Variants in NUP210 observed in about 807,000 individuals in gnomAD.
NUP210 encodes the protein nuclear pore membrane glycoprotein 210.
NUP210 carries 151 observed loss-of-function variants against 196.0 expected under a neutral mutation model. That is an observed-to-expected ratio of 0.77 (90% confidence interval 0.67 to 0.88). The LOEUF is 0.88. Ranked by LOEUF, NUP210 falls within the 40% of genes least tolerant of loss-of-function variation. The pLI, the probability that NUP210 is intolerant of heterozygous loss-of-function variation, is 0.00. For missense variants in NUP210, 2,314 were observed against 2,493.7 expected (o/e 0.93, Z 1.53); for synonymous variants, 1,070 against 1,052.7 (o/e 1.02, Z -0.32).
Position 13,335,530 on chromosome 3 carries a change from AC to A in NUP210, c.3766del (p.Val1256TrpfsTer38), listed in dbSNP as rs1697178298. On this transcript the variant is annotated frameshift_variant, in exon 28 of 40. Coordinates refer to ENST00000254508, the MANE Select transcript of NUP210 (RefSeq NM_024923.4). LOFTEE classifies it high-confidence loss of function. ...RVKGRTGLRV[V>X]VKAVDPTSGQ... ...CGATGTGGGGTCCACAGCCTTGACC[AC>A]CACCCTCAGCCCGGTCCGGCCTTTT... 1.9e-6 allele frequency: 3 copies of A among 1,613,762 alleles called. No individual in the cohort carries two copies. Among genetic ancestry groups the A allele is most frequent in the Non-Finnish European group, 2.5e-6 (3 of 1,180,018 alleles).
intron 31 of NUP210, among the ~76,000 whole-genome samples, chr3:13,328,492 T>C (rs1174243430): frequency 1.3e-5 from 2 of 152,190 alleles, no homozygotes; most frequent in African/African-American, 2.4e-5. Flanking sequence ...AAGGGCCAAT[T>C]TCCTGTGCCT....
At chr3:13,325,478 A>T (rs957189140) in intron 33 of NUP210, among the ~76,000 whole-genome samples, 4 of 152,162 alleles carry the variant, frequency 2.6e-5, no homozygotes, top group African/African-American at 9.7e-5. Context: ...CTTGCAGGTG[A>T]CAGGGAAGCA....
chr3:13,321,851 T>A lies in NUP210; in HGVS notation c.4916-16A>T. On this transcript the variant is annotated splice_polypyrimidine_tract_variant and intron_variant, in intron 35 of 39. Transcript: ENST00000254508. The stretch of plus-strand genomic sequence containing the variant: ...AAGTACTGGCCTGCGAAGACAAGGG[T>A]GTATTGTCTTGTCCCCTCTCCTGCC... The A allele has an allele frequency of 6.3e-7, 1 of 1,598,538 alleles. No individual in the cohort carries two copies. Among genetic ancestry groups the A allele is most frequent in the South Asian group, 1.1e-5 (1 of 90,954 alleles).
intron 32 of NUP210, 64 bp downstream of exon 32, chr3:13,327,153 G>C (rs1696790956): frequency 7.4e-7 from 1 of 1,347,442 alleles, no homozygotes; most frequent in East Asian, 2.4e-5. Context: ...TGCCCAGGTA[G>C]CCCCCACCCA....
intron 15 of NUP210, among the ~76,000 whole-genome samples, chr3:13,359,232 C>A (rs578257992): frequency 6.6e-6 from 1 of 152,304 alleles, no homozygotes; most frequent in African/African-American, 2.4e-5. Flanking sequence ...CTAGAGGTAA[C>A]CCCAATTGGA....
At chr3:13,335,008 C>T (rs890558139) in intron 28 of NUP210, among the ~76,000 whole-genome samples, 2 of 152,236 alleles carry the variant, frequency 1.3e-5, no homozygotes, top group Admixed American at 6.5e-5. Flanking sequence ...GCAGCCCCTG[C>T]CCCGCAGGCT....
At chr3:13,330,347 T>C in intron 30 of NUP210, 113 bp downstream of exon 30, 2 of 1,021,390 alleles carry the variant, frequency 2.0e-6, no homozygotes, top group South Asian at 1.6e-5. Flanking sequence ...TCTAAATGCC[T>C]GTCTACAGTT....
Position 13,340,030 on chromosome 3 carries a change from T to C in NUP210, c.3295A>G (p.Thr1099Ala). The C allele has an allele frequency of 6.2e-7, 1 of 1,613,462 alleles. No homozygotes were observed. Among genetic ancestry groups the C allele is most frequent in the Non-Finnish European group, 8.5e-7 (1 of 1,179,874 alleles). The part of the protein sequence containing the change: ...TLLIGATMQV[T>A]SEGGPQPQSN... ...TGAGGCTGGGGGCCGCCCTCGGAGGTGACCTGAGCGGGGAGGAAACAGCGG... is the reference window on the plus strand; with the variant it reads ...TGAGGCTGGGGGCCGCCCTCGGAGGCGACCTGAGCGGGGAGGAAACAGCGG... The change falls in exon 25 of 40, where the codon ACC becomes GCC. Residue 1099 changes from threonine (T) to alanine (A), a missense_variant. Thr to Ala is a moderately conservative substitution (Grantham distance 58). Transcript: ENST00000254508. This position sits in a 1 kb window ranked among gnomAD's most constrained non-coding sequence, Gnocchi z 4.0.
chr3:13,420,173 C>G lies in NUP210; in HGVS notation c.54G>C (p.Ala18=). The change falls in exon 1 of 40, where the codon GCG becomes GCC. Residue 18 remains alanine, a synonymous_variant. Coordinates refer to ENST00000254508, the MANE Select transcript of NUP210 (RefSeq NM_024923.4). The surrounding 1 kb of genome is among the most constrained non-coding windows in gnomAD (Gnocchi z 4.8). ...LLLLTLSVLL[A]AGPSAAAAKL... ...TGGCCGCAGCGGCGGAGGGGCCCGC[C>G]GCCAACAGCACCGACAGCGTCAGCA... 7.9e-7 allele frequency: 1 copy of G among 1,270,730 alleles called. No homozygotes were observed. Among genetic ancestry groups the G allele is most frequent in the South Asian group, 2.2e-5 (1 of 46,030 alleles). 78.7% of individuals were successfully genotyped at this position (1,270,730 alleles called of 1,614,324 possible).
chr3:13,336,804 G>A lies in NUP210; in HGVS notation c.3667C>T (p.Arg1223Ter), dbSNP rs1390366428. 2.5e-6 allele frequency: 4 copies of A among 1,613,492 alleles called. No homozygotes were observed. The highest frequency in any genetic ancestry group is 2.2e-5 in the East Asian group (1 of 44,848). Residue 1223 changes from arginine to a stop codon, truncating the protein, a stop_gained, in exon 27 of 40, where the codon CGA becomes TGA. Transcript: ENST00000254508. LOFTEE classifies it high-confidence loss of function. ...SVTKRDVLDL[R>*]GRHHEASIRL... ...TTACCTACCTCGTGGTGCCGCCCTC[G>A]GAGGTCCAGGACGTCCCGCTTGGTG... is the stretch of plus-strand genomic sequence containing the variant.
intron 3 of NUP210, among the ~76,000 whole-genome samples, chr3:13,395,224 G>C (rs1299353610): frequency 6.6e-6 from 1 of 152,178 alleles, no homozygotes; most frequent in African/African-American, 2.4e-5. Context: ...CCACCTACCT[G>C]GGGAGAATGG....
chr3:13,359,724 G>A (rs78591684), intron 15 of NUP210, among the ~76,000 whole-genome samples: 1,829 of 152,228 alleles, frequency 0.012, 26 homozygotes, highest in Non-Finnish European at 0.019. Flanking sequence ...GCCCCAAGGC[G>A]CCTGAACAGC....
chr3:13,412,597 T>G (rs1700214159), intron 1 of NUP210, among the ~76,000 whole-genome samples: 1 of 151,402 alleles, frequency 6.6e-6, no homozygotes, highest in Non-Finnish European at 1.5e-5. Flanking sequence ...GCCTGTAATC[T>G]CAGCTACTCA....
Position 13,343,196 on chromosome 3 carries a change from C to G in NUP210, c.2943G>C (p.Leu981=), listed in dbSNP as rs771580456. The change falls in exon 21 of 40, where the codon CTG becomes CTC. Residue 981 remains leucine (L), a synonymous_variant. Coordinates refer to ENST00000254508, the MANE Select transcript of NUP210 (RefSeq NM_024923.4). ...AVVYVSDIQE[L]YIRVVDKVEI... is the part of the protein sequence containing the mutation. The stretch of plus-strand genomic sequence containing the variant: ...TGACCTTGTCAACCACACGGATGTA[C>G]AGCTCCTGAATGTCCGACACGTAAA... The G allele has an allele frequency of 6.2e-7, 1 of 1,614,078 alleles. No individual in the cohort carries two copies. Among genetic ancestry groups the G allele is most frequent in the African/African-American group, 1.3e-5 (1 of 74,934 alleles).
At chr3:13,412,072 T>C (rs868675038) in intron 1 of NUP210, among the ~76,000 whole-genome samples, 7 of 151,652 alleles carry the variant, frequency 4.6e-5, no homozygotes, top group Non-Finnish European at 7.4e-5. Flanking sequence ...GTTTTTTTAA[T>C]AGACAGGCTC....
At chr3:13,382,659 T>C (rs1699140887) in intron 6 of NUP210, among the ~76,000 whole-genome samples, 1 of 152,232 alleles carries the variant, frequency 6.6e-6, no homozygotes, top group African/African-American at 2.4e-5. Flanking sequence ...TCTGCAGTTA[T>C]AATTATCGCA....
rs535149534 is a variant in NUP210, at chr3:13,345,468, C to T, written c.2836-2165G>A. Among the ~76,000 whole-genome samples, 37 of 152,248 alleles carry T rather than the reference C, an allele frequency of 2.4e-4. No individual in the cohort carries two copies. The South Asian group carries it at 4.6e-3, about 19-fold the overall frequency. ...GCCTCCTGCAGCCAGAACGGAACTG[C>T]GGGGCTGGGGAGGAGGGAGAGTGGA... On this transcript the variant is annotated intron_variant, in intron 20 of 39. Coordinates refer to ENST00000254508, the MANE Select transcript of NUP210 (RefSeq NM_024923.4).
In NUP210 at chr3:13,323,411, T is replaced by A. The variant is rs1413622656; in HGVS notation, c.4666A>T (p.Arg1556Trp). ...YKEVVVSVPQ[R>W]IMARHLHPIQ... is the part of the protein sequence containing the mutation. ...GGGTGGAGGTGACGGGCCATGATCC[T>A]CTGAGGGACGCTGACCACCACCTAG... The change falls in exon 34 of 40, where the codon AGG becomes TGG. Residue 1556 changes from arginine (R) to tryptophan (W), a missense_variant. Transcript: ENST00000254508. This position sits in a 1 kb window ranked among gnomAD's most constrained non-coding sequence, Gnocchi z 4.3. 1 of 1,613,978 alleles carries A rather than the reference T, an allele frequency of 6.2e-7. No individual in the cohort carries two copies. The highest frequency in any genetic ancestry group is 1.3e-5 in the African/African-American group (1 of 74,896).
chr3:13,345,339 G>A (rs1191734803), intron 20 of NUP210, among the ~76,000 whole-genome samples: 3 of 152,214 alleles, frequency 2.0e-5, no homozygotes, highest in Non-Finnish European at 4.4e-5. Flanking sequence ...ATGGGACAGG[G>A]ATATGGCTTT....
Sources: gnomAD v4.1 joint callset for allele counts (sites outside exome capture counted in the v4.1 genomes callset) on GRCh38, gnomAD v4.1.1 for gene constraint, Gnocchi (gnomAD v3.1) non-coding constraint, MANE v1.5 for transcripts, NCBI Gene and HGNC (gene_info 2026-07-23, HGNC 2026-07-21) for gene names.